The following MMP26 variants were observed in gnomAD, a reference collection of about 807,000 sequenced individuals.
MMP26 encodes the protein matrix metalloproteinase-26.
A neutral mutation model predicts 31.0 loss-of-function variants in MMP26; 33 were observed. The observed-to-expected ratio is 1.06, with a 90% CI of 0.81 to 1.42. The LOEUF (loss-of-function observed/expected upper bound fraction) is 1.42, where lower values mean the gene tolerates loss of function less well. MMP26 is among the 40% of genes most tolerant of loss of function. The pLI, the probability that MMP26 is intolerant of heterozygous loss-of-function variation, is 0.00. For missense variants in MMP26, 347 were observed against 316.1 expected (o/e 1.10, Z -0.74); for synonymous variants, 122 against 114.9 (o/e 1.06, Z -0.40).
At chr11:4,980,060 AT>A (rs1025810231) in intron 2 of MMP26, among the ~76,000 whole-genome samples, 1 of 152,100 alleles carries the variant, frequency 6.6e-6, no homozygotes, top group African/African-American at 2.4e-5. Flanking sequence ...TACAGGACTG[AT>A]AAAACTTTGG....
chr11:4,786,509 T>TATTTA (rs1564909334), intron 2 of MMP26, among the ~76,000 whole-genome samples: 4 of 145,800 alleles, frequency 2.7e-5, no homozygotes, highest in Non-Finnish European at 4.5e-5. Flanking sequence ...TTTTTTTTTT[T>TATTTA]TTTTTTTTTT....
chr11:4,901,742 T>C (rs571406744), intron 2 of MMP26, among the ~76,000 whole-genome samples: 57 of 152,182 alleles, frequency 3.7e-4, no homozygotes, highest in Non-Finnish European at 6.3e-4. Context: ...TGTATGGGTG[T>C]TTATCTCTAT....
chr11:4,762,548 C>G lies in MMP26; in HGVS notation c.-216-4722C>G, dbSNP rs575307950. 1.4e-3 allele frequency among the ~76,000 whole-genome samples: 216 copies of G among 152,158 alleles called. 1 individual carries two copies. Among genetic ancestry groups the G allele is most frequent in the African/African-American group, 5.0e-3 (206 of 41,510 alleles). On this transcript the variant is annotated intron_variant, in intron 1 of 7. Transcript: ENST00000380390. ...GAAAGTACTGACAGCCTATAGATTA[C>G]TTATTGGGACCAGTGAGAACGTGCT...
rs146261262 is a variant in MMP26 at position 4,749,545 on chromosome 11, A to C, written c.-216-17725A>C. ...TCAAATTGTACTACAAGGCTATAGT[A>C]AGCAAAAGAGCATAGTACTGGTATA... On this transcript the variant is annotated intron_variant, in intron 1 of 7. Transcript: ENST00000380390. 1.1e-3 allele frequency among the ~76,000 whole-genome samples: 167 copies of C among 152,256 alleles called. 1 individual carries two copies. The highest frequency in any genetic ancestry group is 3.8e-3 in the African/African-American group (159 of 41,580).
intron 2 of MMP26, among the ~76,000 whole-genome samples, chr11:4,843,642 G>A (rs1849827155): frequency 6.6e-6 from 1 of 152,230 alleles, no homozygotes. Context: ...GCCTGTAGTG[G>A]GAGGGGCTGC....
chr11:4,923,909 A>G (rs1215548569), intron 2 of MMP26: 1 of 1,614,010 alleles, frequency 6.2e-7, no homozygotes, highest in African/African-American at 1.3e-5. Flanking sequence ...CCCCATCTTG[A>G]CAATACATGC....
At chr11:4,863,010 A>G (rs1217181501) in intron 2 of MMP26, among the ~76,000 whole-genome samples, 4 of 152,130 alleles carry the variant, frequency 2.6e-5, no homozygotes, top group Non-Finnish European at 5.9e-5. Flanking sequence ...CTGTATCCCC[A>G]GCAATTCTTG....
chr11:4,803,657 T>C (rs1268621057), intron 2 of MMP26: 5 of 1,613,680 alleles, frequency 3.1e-6, no homozygotes, highest in African/African-American at 1.3e-5. Context: ...GAACGTGTGC[T>C]AAAAGCTTTG....
intron 2 of MMP26, among the ~76,000 whole-genome samples, chr11:4,917,883 G>A (rs990224084): frequency 6.6e-6 from 1 of 151,744 alleles, no homozygotes; most frequent in Non-Finnish European, 1.5e-5. Flanking sequence ...CTGACAAATA[G>A]TAGATACTCT....
At chr11:4,969,160 C>A (rs923641555) in intron 2 of MMP26, among the ~76,000 whole-genome samples, 1 of 151,882 alleles carries the variant, frequency 6.6e-6, no homozygotes, top group African/African-American at 2.4e-5. Context: ...AACAGGATTG[C>A]AAATTTATTA....
At chr11:4,955,873 C>T (rs1408546676) in intron 2 of MMP26, among the ~76,000 whole-genome samples, 2 of 152,138 alleles carry the variant, frequency 1.3e-5, no homozygotes, top group African/African-American at 2.4e-5. Flanking sequence ...GAGAACAAAG[C>T]ATTTATGTGG....
At chr11:4,757,502 A>G (rs1413325746) in intron 1 of MMP26, among the ~76,000 whole-genome samples, 1 of 152,060 alleles carries the variant, frequency 6.6e-6, no homozygotes. Context: ...AAAAAGTACA[A>G]TTTAAAAGTC....
intron 2 of MMP26, chr11:4,955,255 C>G: frequency 7.9e-7 from 1 of 1,271,500 alleles, no homozygotes; most frequent in Non-Finnish European, 1.1e-6. Flanking sequence ...GGAGCATGCT[C>G]TTAAAGGAGA....
chr11:4,733,132 T>C (rs1848195703), intron 1 of MMP26, among the ~76,000 whole-genome samples: 1 of 152,236 alleles, frequency 6.6e-6, no homozygotes, highest in South Asian at 2.1e-4. Flanking sequence ...TTTTGGCTCT[T>C]CTGGAACCCT....
intron 1 of MMP26, among the ~76,000 whole-genome samples, chr11:4,745,473 C>T (rs754271343): frequency 3.3e-5 from 5 of 152,180 alleles, no homozygotes; most frequent in Non-Finnish European, 7.4e-5. Flanking sequence ...AGGTTCACAG[C>T]AAAATTTAGC....
chr11:4,762,717 A>G (rs1011726225), intron 1 of MMP26, among the ~76,000 whole-genome samples: 4 of 152,172 alleles, frequency 2.6e-5, no homozygotes, highest in African/African-American at 9.6e-5. Context: ...TTTGTTATAC[A>G]CTTTTAGAAA....
rs1849195005 is a variant in MMP26 at position 4,802,332 on chromosome 11, A to G, written c.-145+34991A>G. Among the ~76,000 whole-genome samples, 5 of 152,294 alleles carry G rather than the reference A, an allele frequency of 3.3e-5. 1 individual carries two copies. The South Asian group carries it at 8.3e-4, about 25-fold the overall frequency. ...TAGGTGAAGAGTAATTGCTCAATAT[A>G]TTACTTGAATAGAAATTTAAAATGT... On this transcript the variant is annotated intron_variant, in intron 2 of 7. Coordinates refer to ENST00000380390, the MANE Select transcript of MMP26 (RefSeq NM_021801.5).
At chr11:4,890,274 C>T (rs917032661) in intron 2 of MMP26, 1 of 153,874 alleles carries the variant, frequency 6.5e-6, no homozygotes, top group Admixed American at 6.6e-5. Flanking sequence ...ATCTGTGAAT[C>T]CATGAATAAA....
intron 2 of MMP26, chr11:4,908,514 T>A: frequency 1.7e-6 from 1 of 583,048 alleles, no homozygotes; most frequent in Non-Finnish European, 3.0e-6. Flanking sequence ...GAGGTTTAAT[T>A]AACATTTTAA....
Sources: allele counts gnomAD v4.1 joint callset (sites outside exome capture counted in the v4.1 genomes callset), GRCh38; gene constraint gnomAD v4.1.1; transcripts MANE v1.5; gene names NCBI Gene and HGNC (gene_info 2026-07-23, HGNC 2026-07-21).